Variants in ZFR2 observed in about 807,000 individuals in gnomAD.
ZFR2 encodes the protein zinc finger RNA binding protein 2.
A neutral mutation model predicts 105.7 loss-of-function variants in ZFR2; 104 were observed. The observed-to-expected ratio is 0.98, with a 90% CI of 0.84 to 1.16. The LOEUF (loss-of-function observed/expected upper bound fraction) is 1.16. Among genes scored for constraint, ZFR2 ranks in the 50% most tolerant of loss-of-function variants. The probability of loss-of-function intolerance (pLI) is 0.00; values close to 1 mark genes in which losing one functional copy is unlikely to be tolerated. For synonymous variants in ZFR2, 634 were observed against 597.7 expected (o/e 1.06, Z -0.89); for missense variants, 1,425 against 1,355.5 (o/e 1.05, Z -0.80).
rs967550427 is a variant in ZFR2, at chr19:3,820,228, G to A, written c.1694C>T (p.Pro565Leu). The change falls in exon 11 of 19, where the codon CCT becomes CTT. Residue 565 changes from proline (P) to leucine (L), a missense_variant. Transcript: ENST00000262961. ...TGACTCCGGCCTGCCCATGAGCAGA[G>A]GCTGGGCCCAGTCGGGCGGCGCGTG... is the stretch of plus-strand genomic sequence containing the variant. ...PPHAPPDWAQ[P>L]LLMGRPESPA... The A allele has an allele frequency of 2.6e-6, 4 of 1,551,438 alleles. No homozygotes were observed. Among genetic ancestry groups the A allele is most frequent in the Non-Finnish European group, 3.5e-6 (4 of 1,147,554 alleles).
In ZFR2 at chr19:3,811,412, C is replaced by G. The variant is rs894635281; in HGVS notation, c.2243-46G>C. On this transcript the variant is annotated intron_variant, in intron 14 of 18. Coordinates refer to ENST00000262961, the MANE Select transcript of ZFR2 (RefSeq NM_015174.2). ...AGGTGTGCGGGGAAGGTGCCTCGTC[C>G]CGCTCTGCTGCCGACGGGGTGAGGG... 1.5e-5 allele frequency: 23 copies of G among 1,531,874 alleles called. No individual in the cohort carries two copies. The Admixed American group carries it at 3.5e-4, about 24-fold the overall frequency. 94.9% of individuals were successfully genotyped at this position (1,531,874 alleles called of 1,614,324 possible). A position where few individuals can be genotyped will look rare whatever the true frequency, so the allele number is the denominator to read the frequency against.
chr19:3,811,443 G>A, intron 14 of ZFR2, 77 bp from the exon 15 acceptor site: 4 of 1,349,144 alleles, frequency 3.0e-6, no homozygotes, highest in Non-Finnish European at 3.0e-6. Context: ...GAGGGGCTCA[G>A]TTTGGGCCCC....
intron 1 of ZFR2, 150 bp from the exon 2 acceptor site, chr19:3,835,133 CT>C: frequency 1.2e-6 from 1 of 844,698 alleles, no homozygotes; most frequent in Non-Finnish European, 1.9e-6. Context: ...GCCGGAAGCA[CT>C]TTACACAAAT....
At chr19:3,815,203 C>T (rs936236315) in intron 13 of ZFR2, among the ~76,000 whole-genome samples, 3 of 152,154 alleles carry the variant, frequency 2.0e-5, no homozygotes, top group African/African-American at 7.2e-5. Context: ...GGTTCCCCTC[C>T]CTCAGCCTCC....
chr19:3,836,119 C>T (rs1044642797), intron 1 of ZFR2, among the ~76,000 whole-genome samples: 1 of 152,124 alleles, frequency 6.6e-6, no homozygotes, highest in Non-Finnish European at 1.5e-5. Context: ...TGTAAATCAT[C>T]TCTGGATTAC....
intron 1 of ZFR2, among the ~76,000 whole-genome samples, chr19:3,861,586 A>G (rs2038374105): frequency 6.6e-6 from 1 of 152,080 alleles, no homozygotes; most frequent in Non-Finnish European, 1.5e-5. Flanking sequence ...TGACCACACC[A>G]CTGTGCTCCA....
chr19:3,833,378 C>T (rs945027530), intron 3 of ZFR2, among the ~76,000 whole-genome samples: 14 of 152,016 alleles, frequency 9.2e-5, no homozygotes, highest in African/African-American at 1.2e-4. Context: ...AGATGGAGAC[C>T]ATCCTGGCTA....
chr19:3,841,528 T>TAAA (rs1052799726), intron 1 of ZFR2, among the ~76,000 whole-genome samples: 1 of 150,420 alleles, frequency 6.6e-6, no homozygotes, highest in Non-Finnish European at 1.5e-5. Flanking sequence ...CTACAAAAAA[T>TAAA]AAAAAAAAAT....
chr19:3,859,633 G>A (rs571088766), intron 1 of ZFR2, among the ~76,000 whole-genome samples: 28 of 152,352 alleles, frequency 1.8e-4, no homozygotes, highest in African/African-American at 6.5e-4. Flanking sequence ...GGTGGAGGGC[G>A]CAGGGCCTCA....
intron 18 of ZFR2, among the ~76,000 whole-genome samples, 185 bp downstream of exon 18, chr19:3,806,987 G>A (rs913375715): frequency 2.0e-5 from 3 of 152,128 alleles, no homozygotes; most frequent in Admixed American, 6.5e-5. Context: ...CTGGCCCCAC[G>A]CCACCATGCC....
chr19:3,808,666 T>C (rs2037729095), intron 17 of ZFR2, among the ~76,000 whole-genome samples: 1 of 152,228 alleles, frequency 6.6e-6, no homozygotes, highest in Admixed American at 6.5e-5. Flanking sequence ...CCTGCGTGTC[T>C]GTGCCCTGCG....
chr19:3,845,825 TAAGTC>T (rs947386107), intron 1 of ZFR2, among the ~76,000 whole-genome samples: 1 of 151,812 alleles, frequency 6.6e-6, no homozygotes, highest in African/African-American at 2.4e-5. Context: ...AAACTAAAAA[TAAGTC>T]AAGACCCTGT....
Position 3,813,864 on chromosome 19 carries a change from G to T in ZFR2, c.2198C>A (p.Ser733Tyr). The T allele has an allele frequency of 6.2e-7, 1 of 1,613,966 alleles. No homozygotes were observed. The highest frequency in any genetic ancestry group is 8.5e-7 in the Non-Finnish European group (1 of 1,179,882). ...CEEPRMQVTI[S>Y]VTSPLMREDP... ...CTCCCGCATCAGAGGTGAGGTGACAGATATGGTGACCTGCATCCTGGGCTC... is the reference window on the plus strand; with the variant it reads ...CTCCCGCATCAGAGGTGAGGTGACATATATGGTGACCTGCATCCTGGGCTC... Residue 733 changes from serine (S) to tyrosine (Y), a missense_variant, in exon 14 of 19, where the codon TCT (serine) becomes TAT (tyrosine). Coordinates refer to ENST00000262961, the MANE Select transcript of ZFR2 (RefSeq NM_015174.2). This position sits in a 1 kb window ranked among gnomAD's most constrained non-coding sequence, Gnocchi z 4.4.
At chr19:3,845,029 T>C (rs1026105922) in intron 1 of ZFR2, among the ~76,000 whole-genome samples, 1 of 152,192 alleles carries the variant, frequency 6.6e-6, no homozygotes, top group African/African-American at 2.4e-5. Flanking sequence ...CTCACAGTTC[T>C]GGAGCGTGGA....
chr19:3,809,807 G>A (rs1266478203), intron 16 of ZFR2, among the ~76,000 whole-genome samples: 3 of 152,116 alleles, frequency 2.0e-5, no homozygotes, highest in African/African-American at 7.2e-5. Context: ...AGCCAGGCGT[G>A]GTGGTGCGTG....
intron 5 of ZFR2, among the ~76,000 whole-genome samples, 187 bp downstream of exon 5, chr19:3,831,116 C>T (rs551157168): frequency 1.3e-5 from 2 of 152,222 alleles, no homozygotes; most frequent in Non-Finnish European, 2.9e-5. Context: ...CGCACACATA[C>T]ACACTCACAC....
chr19:3,838,201 C>G lies in ZFR2; in HGVS notation c.54-3218G>C, dbSNP rs1599242058. On this transcript the variant is annotated intron_variant, in intron 1 of 18. Coordinates refer to ENST00000262961, the MANE Select transcript of ZFR2 (RefSeq NM_015174.2). The surrounding 1 kb of genome is among the most constrained non-coding windows in gnomAD (Gnocchi z 4.9). Reference sequence around the variant, plus strand: ...ATGACCGTGACACCCGATGAACATCCCGACAATACATTCGATGAACACCGT... The same window carrying G: ...ATGACCGTGACACCCGATGAACATCGCGACAATACATTCGATGAACACCGT... Among the ~76,000 whole-genome samples, 2 of 151,616 alleles carry G rather than the reference C, an allele frequency of 1.3e-5. No individual in the cohort carries two copies. The highest frequency in any genetic ancestry group is 3.9e-4 in the East Asian group (2 of 5,178).
At chr19:3,808,681 G>C (rs2037729253) in intron 17 of ZFR2, among the ~76,000 whole-genome samples, 191 bp downstream of exon 17, 1 of 152,258 alleles carries the variant, frequency 6.6e-6, no homozygotes, top group Non-Finnish European at 1.5e-5. Context: ...CCTGCGTGCA[G>C]GGTGGTGTCC....
chr19:3,868,448 C>T (rs905453836), intron 1 of ZFR2, among the ~76,000 whole-genome samples: 1 of 151,066 alleles, frequency 6.6e-6, no homozygotes, highest in African/African-American at 2.4e-5. Flanking sequence ...AGGTCTGTGT[C>T]TTCTCTTCCC....
Sources: allele counts gnomAD v4.1 joint callset (sites outside exome capture counted in the v4.1 genomes callset), GRCh38; gene constraint gnomAD v4.1.1; non-coding constraint Gnocchi (gnomAD v3.1); transcripts MANE v1.5; gene names NCBI Gene and HGNC (gene_info 2026-07-23, HGNC 2026-07-21).